FAM53A: variants seen among roughly 807,000 people sequenced by gnomAD.
FAM53A encodes the protein family with sequence similarity 53 member A, also known as protein FAM53A.
FAM53A carries 28 observed loss-of-function variants against 26.6 expected under a neutral mutation model. The observed-to-expected ratio is 1.05, with a 90% CI of 0.78 to 1.45. FAM53A has a LOEUF of 1.45. FAM53A is among the 40% of genes most tolerant of loss of function. FAM53A has a pLI of 0.00. For missense variants in FAM53A, 650 were observed against 575.8 expected, an observed-to-expected ratio of 1.13 and a Z score of -1.32; for synonymous variants, 290 against 253.1, an observed-to-expected ratio of 1.15 and a Z score of -1.38.
At chr4:1,579,090 C>A in the FAM53A span, among the ~76,000 whole-genome samples, 2 of 151,296 alleles carry the variant, frequency 1.3e-5, no homozygotes, top group African/African-American at 2.4e-5. Context: ...CCCTTCCCAG[C>A]GCTGCTGGAC....
intron 4 of FAM53A, among the ~76,000 whole-genome samples, chr4:1,647,562 C>G (rs185022394): frequency 6.6e-6 from 1 of 152,296 alleles, no homozygotes; most frequent in Admixed American, 6.5e-5. Flanking sequence ...GACATAGGAG[C>G]CCTGCAGGGT....
the FAM53A span, among the ~76,000 whole-genome samples, chr4:1,610,671 G>C: frequency 6.6e-6 from 1 of 152,016 alleles, no homozygotes; most frequent in Non-Finnish European, 1.5e-5. Flanking sequence ...CTGGGGTGGG[G>C]GACAGAGGCC....
the FAM53A span, among the ~76,000 whole-genome samples, chr4:1,596,084 T>A: frequency 2.0e-5 from 3 of 152,184 alleles, no homozygotes; most frequent in Non-Finnish European, 4.4e-5. Flanking sequence ...GCTCCTGCGC[T>A]GGGCAAAAAG....
intron 3 of FAM53A, 69 bp from the exon 4 acceptor site, chr4:1,655,792 G>A (rs990878082): frequency 2.7e-5 from 39 of 1,441,362 alleles, no homozygotes; most frequent in Middle Eastern, 2.0e-4. Flanking sequence ...CATCCATCCC[G>A]GCAAACAGCC....
intron 1 of FAM53A, among the ~76,000 whole-genome samples, chr4:1,677,293 C>T (rs1461795178): frequency 1.3e-5 from 2 of 152,268 alleles, no homozygotes; most frequent in East Asian, 1.9e-4. Context: ...TGGCTCATGG[C>T]GCACTCTGCA....
intron 4 of FAM53A, among the ~76,000 whole-genome samples, chr4:1,642,573 G>A (rs954926936): frequency 2.6e-5 from 4 of 152,160 alleles, no homozygotes; most frequent in East Asian, 3.9e-4. Flanking sequence ...TCTCTTGGGC[G>A]TCTCCAGGGC....
chr4:1,609,016 G>A, the FAM53A span, among the ~76,000 whole-genome samples: 1,055 of 152,132 alleles, frequency 6.9e-3, 24 homozygotes, highest in Admixed American at 0.031. Context: ...GGCGGCTGCC[G>A]ATGCAGTTCA....
upstream of FAM53A, among the ~76,000 whole-genome samples, chr4:1,685,530 C>T (rs1715762303): frequency 6.6e-6 from 1 of 152,070 alleles, no homozygotes; most frequent in African/African-American, 2.4e-5. Flanking sequence ...CTGGGGGAGG[C>T]ATCGGGGCTC....
chr4:1,611,281 G>A, the FAM53A span, among the ~76,000 whole-genome samples: 10,264 of 152,212 alleles, frequency 0.067, 1,209 homozygotes, highest in African/African-American at 0.23. Context: ...GGGTCTGTCC[G>A]TGGGCCCTGA....
intron 2 of FAM53A, among the ~76,000 whole-genome samples, chr4:1,667,301 GA>G (rs200080871): frequency 2.0e-5 from 3 of 150,720 alleles, no homozygotes; most frequent in African/African-American, 7.3e-5. Flanking sequence ...TCTGTCTCCA[GA>G]AAAAAAAAGA....
chr4:1,671,146 A>C (rs1714619670), intron 1 of FAM53A, among the ~76,000 whole-genome samples: 1 of 123,324 alleles, frequency 8.1e-6, no homozygotes, highest in African/African-American at 3.4e-5. Context: ...CATGGCCCGG[A>C]CTCACCTCTG....
At chr4:1,677,556 C>G (rs1377503555) in intron 1 of FAM53A, among the ~76,000 whole-genome samples, 1 of 152,204 alleles carries the variant, frequency 6.6e-6, no homozygotes, top group Non-Finnish European at 1.5e-5. Flanking sequence ...TCCCTGCACT[C>G]TGTATCTCAG....
chr4:1,655,404 C>A lies in FAM53A; in HGVS notation c.456G>T (p.Arg152=). 1 of 1,473,628 alleles carries A rather than the reference C, an allele frequency of 6.8e-7. No individual in the cohort carries two copies. Among genetic ancestry groups the A allele is most frequent in the Non-Finnish European group, 9.0e-7 (1 of 1,113,576 alleles). 91.3% of individuals were successfully genotyped at this position (1,473,628 alleles called of 1,614,324 possible). The change falls in exon 4 of 5, where the codon CGG becomes CGT. Residue 152 remains arginine (R), a synonymous_variant. Coordinates refer to ENST00000308132, the MANE Select transcript of FAM53A (RefSeq NM_001174070.3). ...GCGTGGCACTCCCGCCGCTGTCGCA[C>A]CGCCTCTTGGAGACTGGAGTCCAGA... ...SKVWTPVSKR[R]CDSGGSATRQ... is the part of the protein sequence containing the mutation.
chr4:1,670,807 C>G (rs539556144), intron 1 of FAM53A, among the ~76,000 whole-genome samples: 119 of 152,346 alleles, frequency 7.8e-4, no homozygotes, highest in African/African-American at 2.7e-3. Flanking sequence ...CACTGCACAC[C>G]CCACGCTGGT....
chr4:1,655,401 G>A lies in FAM53A; in HGVS notation c.459C>T (p.Cys153=), dbSNP rs148309680. The part of the protein sequence containing the change: ...KVWTPVSKRR[C]DSGGSATRQG... ...GCCGCGTGGCACTCCCGCCGCTGTC[G>A]CACCGCCTCTTGGAGACTGGAGTCC... Residue 153 remains cysteine, a synonymous_variant, in exon 4 of 5, where the codon TGC becomes TGT. Coordinates refer to ENST00000308132, the MANE Select transcript of FAM53A (RefSeq NM_001174070.3). The A allele has an allele frequency of 1.1e-4, 161 of 1,470,142 alleles. No individual in the cohort carries two copies. In the East Asian group the frequency reaches 2.4e-3, roughly 22 times the overall value. 91.1% of individuals were successfully genotyped at this position (1,470,142 alleles called of 1,614,324 possible). A position where few individuals can be genotyped will look rare whatever the true frequency, so the allele number is the denominator to read the frequency against.
the FAM53A span, among the ~76,000 whole-genome samples, chr4:1,579,371 CG>C: frequency 6.6e-6 from 1 of 151,870 alleles, no homozygotes; most frequent in Non-Finnish European, 1.5e-5. Flanking sequence ...CGGGCCCCCA[CG>C]GTCTACTACC....
the FAM53A span, among the ~76,000 whole-genome samples, chr4:1,610,186 G>A: frequency 6.6e-5 from 10 of 151,764 alleles, no homozygotes; most frequent in East Asian, 7.8e-4. Flanking sequence ...GACTGGGCCC[G>A]TCCACAGCAG....
At chr4:1,578,530 G>A in the FAM53A span, among the ~76,000 whole-genome samples, 1 of 151,894 alleles carries the variant, frequency 6.6e-6, no homozygotes, top group Non-Finnish European at 1.5e-5. Context: ...CTCAGTTACG[G>A]GGAGAGGGCA....
intron 1 of FAM53A, among the ~76,000 whole-genome samples, chr4:1,681,082 G>A (rs1034271478): frequency 1.3e-5 from 2 of 152,076 alleles, no homozygotes; most frequent in Non-Finnish European, 2.9e-5. Context: ...GAGGGCAGAA[G>A]GTATAGTGTC....
Sources: allele counts gnomAD v4.1 joint callset (sites outside exome capture counted in the v4.1 genomes callset), GRCh38; gene constraint gnomAD v4.1.1; transcripts MANE v1.5; gene names NCBI Gene and HGNC (gene_info 2026-07-23, HGNC 2026-07-21).